DNAJC2: variants seen among roughly 807,000 people sequenced by gnomAD.
The protein encoded by DNAJC2 is DnaJ heat shock protein family (Hsp40) member C2.
A neutral mutation model predicts 94.0 loss-of-function variants in DNAJC2; 32 were observed. That is an observed-to-expected ratio of 0.34 (90% CI 0.26 to 0.46). DNAJC2 has a LOEUF of 0.46. DNAJC2 is among the 20% of genes least tolerant of loss of function. The pLI, the probability that DNAJC2 is intolerant of heterozygous loss-of-function variation, is 1.00. For synonymous variants in DNAJC2, 210 were observed against 229.7 expected (o/e 0.91, Z 0.77); for missense variants, 550 against 719.5 (o/e 0.76, Z 2.69).
At chr7:103,313,662 T>TTCGTCACATCTGC in intron 15 of DNAJC2, 1 of 985,456 alleles carries the variant, frequency 1.0e-6, no homozygotes, top group Non-Finnish European at 1.2e-6. Flanking sequence ...TGGTGTTCTC[T>TTCGTCACATCTGC]TCGTCACATC....
In DNAJC2 at chr7:103,334,548, C is replaced by T. The variant is rs971137666; in HGVS notation, c.331+3188G>A. Among the ~76,000 whole-genome samples the T allele has an allele frequency of 2.0e-5, 3 of 151,126 alleles. No homozygotes were observed. The South Asian group carries it at 6.3e-4, about 32-fold the overall frequency. ...CCAAGATCACGCGACTGCACTCCAC[C>T]CTGGATAACAGTTAGACTCCGTCTT... is the stretch of plus-strand genomic sequence containing the variant. On this transcript the variant is annotated intron_variant, in intron 3 of 16. Transcript: ENST00000379263.
chr7:103,319,069 G>A (rs1240580809), intron 12 of DNAJC2, among the ~76,000 whole-genome samples: 1 of 151,942 alleles, frequency 6.6e-6, no homozygotes, highest in African/African-American at 2.4e-5. Flanking sequence ...AAAATCAGCC[G>A]GGCATGGTGG....
chr7:103,321,780 G>A (rs1026260322), intron 10 of DNAJC2, 152 bp downstream of exon 10: 61 of 787,894 alleles, frequency 7.7e-5, no homozygotes, highest in African/African-American at 3.5e-5. Flanking sequence ...ACCCGGAGGC[G>A]GAAATTGCGG....
At chr7:103,318,972 G>A (rs10273102) in intron 12 of DNAJC2, among the ~76,000 whole-genome samples, 1,791 of 152,186 alleles carry the variant, frequency 0.012, 35 homozygotes, top group African/African-American at 0.041. Context: ...AATCCTTTGG[G>A]AGGCCAATGC....
intron 2 of DNAJC2, among the ~76,000 whole-genome samples, chr7:103,338,329 C>T (rs1427292767): frequency 2.1e-5 from 3 of 145,136 alleles, no homozygotes; most frequent in Admixed American, 7.0e-5. Context: ...CGGAGTCTTG[C>T]TCTGTTGCCC....
chr7:103,313,685 G>C (rs1817885275), intron 15 of DNAJC2: 1 of 985,278 alleles, frequency 1.0e-6, no homozygotes, highest in African/African-American at 1.7e-5. Flanking sequence ...CTAAAATCTT[G>C]GGAGCCGATG....
At chr7:103,335,668 C>T (rs1221533366) in intron 3 of DNAJC2, 1 of 152,306 alleles carries the variant, frequency 6.6e-6, no homozygotes, top group Non-Finnish European at 1.5e-5. Flanking sequence ...GCCTCAGCCT[C>T]CCAAGTAGTT....
Position 103,344,480 on chromosome 7 carries a change from G to C in DNAJC2, c.64+79C>G, listed in dbSNP as rs1372161530. ...TAGTCGCCAGGGTCAAGGGTAGAGA[G>C]AGCCCAGGGTTGCCGAGGCGGAGGA... On this transcript the variant is annotated intron_variant, in intron 1 of 16. Coordinates refer to ENST00000379263, the MANE Select transcript of DNAJC2 (RefSeq NM_014377.3). 2.6e-6 allele frequency: 4 copies of C among 1,530,460 alleles called. No homozygotes were observed. The African/African-American group carries it at 4.1e-5, about 16-fold the overall frequency. 94.8% of individuals were successfully genotyped at this position (1,530,460 alleles called of 1,614,324 possible). A position where few individuals can be genotyped will look rare whatever the true frequency, so the allele number is the denominator to read the frequency against.
At chr7:103,336,873 G>A (rs879598106) in intron 3 of DNAJC2, 11 of 152,150 alleles carry the variant, frequency 7.2e-5, no homozygotes, top group Admixed American at 2.0e-4. Context: ...TAATGGGGAC[G>A]ATTTTGAGTT....
In DNAJC2 at chr7:103,322,630, T is replaced by C. The variant is rs1333411879; in HGVS notation, c.814A>G (p.Asn272Asp). Reference sequence around the variant, plus strand: ...ATCCTTGGATCACAGCTGTATGCATTGTCTAGCAAAAGAAAAAGTTAATCT... The same window carrying C: ...ATCCTTGGATCACAGCTGTATGCATCGTCTAGCAAAAGAAAAAGTTAATCT... ...EMNRIRTLVD[N>D]AYSCDPRIKK... The change falls in exon 9 of 17, where the codon AAT becomes GAT. Residue 272 changes from asparagine (N) to aspartate (D), a missense_variant and splice_region_variant. By Grantham distance (23) the Asn-to-Asp change is conservative. Around this residue, in one of 2 missense-constraint regions of DNAJC2, gnomAD observed 279 missense variants for 416.9 expected, o/e 0.67. Coordinates refer to ENST00000379263, the MANE Select transcript of DNAJC2 (RefSeq NM_014377.3). The C allele has an allele frequency of 1.2e-6, 2 of 1,613,106 alleles. 1 individual carries two copies. Among genetic ancestry groups the C allele is most frequent in the Admixed American group, 3.3e-5 (2 of 59,908 alleles).
rs923014492 is a variant in DNAJC2, at chr7:103,326,776, T to C, written c.431-92A>G. 8.7e-6 allele frequency: 11 copies of C among 1,264,042 alleles called. No homozygotes were observed. In the African/African-American group the frequency reaches 1.4e-4, roughly 16 times the overall value. 78.3% of individuals were successfully genotyped at this position (1,264,042 alleles called of 1,614,324 possible). On this transcript the variant is annotated intron_variant, in intron 4 of 16. Transcript: ENST00000379263. ...TATTTCCCTCCTTAAAACATAGAAG[T>C]CATTAATTTTCATATTTGAAAATTT...
In DNAJC2 at chr7:103,322,513, T is replaced by C. The variant is rs1818476029; in HGVS notation, c.931A>G (p.Lys311Glu). The change falls in exon 9 of 17, where the codon AAA (lysine) becomes GAA (glutamate). Residue 311 changes from lysine (K) to glutamate (E), a missense_variant and splice_region_variant. This residue lies in a region of DNAJC2 where 279 missense variants were observed against 416.9 expected (regional missense o/e 0.67). Coordinates refer to ENST00000379263, the MANE Select transcript of DNAJC2 (RefSeq NM_014377.3). ...ACCTTCATTAAATGTTGTCTTACTT[T>C]TTCTTTAGCTTCTTGCTCCTTCCGT... Reference protein sequence around the residue: ...AKRKEQEAKEKQRQAELEAAR... With the variant: ...AKRKEQEAKEEQRQAELEAAR... 1 of 1,481,688 alleles carries C rather than the reference T, an allele frequency of 6.7e-7. No homozygotes were observed. 91.8% of individuals were successfully genotyped at this position (1,481,688 alleles called of 1,614,324 possible). A position where few individuals can be genotyped will look rare whatever the true frequency, so the allele number is the denominator to read the frequency against.
intron 3 of DNAJC2, chr7:103,328,893 G>A (rs920516683): frequency 1.8e-5 from 11 of 620,080 alleles, no homozygotes; most frequent in African/African-American, 1.2e-4. Flanking sequence ...AATTTTAAAT[G>A]TAAGTGTTTT....
chr7:103,332,913 C>A (rs972391807), intron 3 of DNAJC2, among the ~76,000 whole-genome samples: 1 of 152,174 alleles, frequency 6.6e-6, no homozygotes, highest in Admixed American at 6.5e-5. Context: ...CATGAGCCAC[C>A]ATGATTAGCT....
At chr7:103,320,571 T>G (rs1818330982) in intron 10 of DNAJC2, among the ~76,000 whole-genome samples, 6 of 150,844 alleles carry the variant, frequency 4.0e-5, no homozygotes. Flanking sequence ...CCATCCTGGC[T>G]AACACAGTGA....
chr7:103,324,941 C>T (rs1234618806), intron 5 of DNAJC2, among the ~76,000 whole-genome samples: 1 of 152,166 alleles, frequency 6.6e-6, no homozygotes, highest in East Asian at 1.9e-4. Context: ...GTAGGCCTAG[C>T]CCTTTAAAAA....
chr7:103,341,693 G>T, intron 2 of DNAJC2, 71 bp downstream of exon 2: 1 of 1,267,754 alleles, frequency 7.9e-7, no homozygotes, highest in Non-Finnish European at 1.1e-6. Context: ...TTTATTAATG[G>T]AAAACTCATA....
At chr7:103,342,844 G>A (rs1260858950) in intron 1 of DNAJC2, among the ~76,000 whole-genome samples, 1 of 151,804 alleles carries the variant, frequency 6.6e-6, no homozygotes, top group Non-Finnish European at 1.5e-5. Context: ...TCCTGACCTC[G>A]TGATCCACCC....
In DNAJC2 at chr7:103,317,010, T is replaced by C; in HGVS notation, c.1247A>G (p.Glu416Gly). The C allele has an allele frequency of 6.2e-7, 1 of 1,612,668 alleles. No individual in the cohort carries two copies. The highest frequency in any genetic ancestry group is 8.5e-7 in the Non-Finnish European group (1 of 1,179,642). ...VGKAALEKQI[E>G]EINEQIRKEK... is the part of the protein sequence containing the mutation. ...TTTTCTGATTTGCTCATTTATTTCT[T>C]CTATCTGCACAAATATCATAAGTCA... The change falls in exon 13 of 17, where the codon GAA (glutamate) becomes GGA (glycine). Residue 416 changes from glutamate (E) to glycine (G), a missense_variant. Glu to Gly is a moderately conservative substitution (Grantham distance 98). Transcript: ENST00000379263.
Sources: gnomAD v4.1 joint callset for allele counts (sites outside exome capture counted in the v4.1 genomes callset) on GRCh38, gnomAD v4.1.1 for gene constraint, gnomAD v4.1.1 regional missense constraint, MANE v1.5 for transcripts, NCBI Gene and HGNC (gene_info 2026-07-23, HGNC 2026-07-21) for gene names.